The following ZNF451 variants were observed in gnomAD, a reference collection of about 807,000 sequenced individuals.
The protein encoded by ZNF451 is zinc finger protein 451, also known as E3 SUMO-protein ligase ZNF451.
In ZNF451, 80 loss-of-function variants were observed where a neutral mutation model predicts 107.1. The observed-to-expected ratio is 0.75, with a 90% CI of 0.62 to 0.90. The LOEUF is 0.90. Among genes scored for constraint, ZNF451 ranks in the 40% least tolerant of loss-of-function variants. The pLI is 0.00. For missense variants in ZNF451, 1,107 were observed against 1,236.2 expected, an observed-to-expected ratio of 0.90 and a Z score of 1.57; for synonymous variants, 362 against 406.5, an observed-to-expected ratio of 0.89 and a Z score of 1.32.
chr6:57,150,537 CTGATT>C, intron 10 of ZNF451, 177 bp from the exon 11 acceptor site: 1 of 465,108 alleles, frequency 2.2e-6, no homozygotes. Flanking sequence ...TTATTTTTAT[CTGATT>C]TAAGTGTAAA....
At chr6:57,145,786 T>C (rs1015175707) in intron 9 of ZNF451, among the ~76,000 whole-genome samples, 1 of 152,156 alleles carries the variant, frequency 6.6e-6, no homozygotes, top group Non-Finnish European at 1.5e-5. Context: ...CTTTTTGATA[T>C]AATGCTTACT....
rs1398336477 is a variant in ZNF451, at chr6:57,109,491, A to G, written c.186+10350A>G. The G allele has an allele frequency of 6.1e-6, 6 of 985,350 alleles. No homozygotes were observed. The South Asian group carries it at 2.8e-4, about 46-fold the overall frequency. The allele number at this position is 985,350 out of a possible 1,614,324, so 61.0% of individuals were successfully genotyped here. A position where few individuals can be genotyped will look rare whatever the true frequency, so the allele number is the denominator to read the frequency against. ...CCGAAAGTACTTTGACAACACACTAAAGCCTGATGCAGATTTCCTTTTTGA... is the reference window on the plus strand; with the variant it reads ...CCGAAAGTACTTTGACAACACACTAGAGCCTGATGCAGATTTCCTTTTTGA... On this transcript the variant is annotated intron_variant, in intron 3 of 14. Coordinates refer to ENST00000370706, the MANE Select transcript of ZNF451 (RefSeq NM_001031623.3).
intron 7 of ZNF451, among the ~76,000 whole-genome samples, chr6:57,137,348 C>G (rs547418039): frequency 2.3e-4 from 35 of 152,240 alleles, no homozygotes; most frequent in Non-Finnish European, 4.9e-4. Flanking sequence ...TCCCCTCCCC[C>G]ATTTTCTTTC....
chr6:57,103,050 A>G (rs1183765659), intron 3 of ZNF451: 1 of 985,448 alleles, frequency 1.0e-6, no homozygotes, highest in Non-Finnish European at 1.2e-6. Context: ...TGAGCTTGAT[A>G]GTGCATCACA....
intron 11 of ZNF451, chr6:57,151,935 T>C (rs560949930): frequency 3.9e-5 from 11 of 281,712 alleles, no homozygotes; most frequent in African/African-American, 1.3e-4. Flanking sequence ...CTTACACTTA[T>C]AGAATAATGC....
In ZNF451 at chr6:57,098,921, T is replaced by G. The variant is rs145709234; in HGVS notation, c.106-140T>G. ...ATATTTTCCTCTGCTGCTTTTGTTC[T>G]GGTTATTTTCTGCTACCCACAAAGC... On this transcript the variant is annotated intron_variant, in intron 2 of 14. Transcript: ENST00000370706. The G allele has an allele frequency of 5.8e-3, 3,397 of 587,730 alleles. 13 individuals are homozygous for G. The highest frequency in any genetic ancestry group is 7.2e-3 in the Middle Eastern group (16 of 2,234). 36.4% of individuals were successfully genotyped at this position (587,730 alleles called of 1,614,324 possible). A position where few individuals can be genotyped will look rare whatever the true frequency, so the allele number is the denominator to read the frequency against.
In ZNF451 at chr6:57,152,328, G is replaced by A; in HGVS notation, c.2860G>A (p.Ala954Thr). 1 of 1,613,988 alleles carries A rather than the reference G, an allele frequency of 6.2e-7. No individual in the cohort carries two copies. The highest frequency in any genetic ancestry group is 1.3e-5 in the African/African-American group (1 of 75,028). ...TCGCTGTAGTAAAAGAAAAGATGCTGCTGATTTTGCCATATGTATGCATGT... is the reference window on the plus strand; with the variant it reads ...TCGCTGTAGTAAAAGAAAAGATGCTACTGATTTTGCCATATGTATGCATGT... ...HPRCSKRKDA[A>T]DFAICMHAGR... is the part of the protein sequence containing the mutation. The change falls in exon 12 of 15, where the codon GCT (alanine) becomes ACT (threonine). Residue 954 changes from alanine to threonine, a missense_variant. Coordinates refer to ENST00000370706, the MANE Select transcript of ZNF451 (RefSeq NM_001031623.3).
chr6:57,094,880 G>A (rs1193310603), intron 2 of ZNF451, among the ~76,000 whole-genome samples: 1 of 152,154 alleles, frequency 6.6e-6, no homozygotes, highest in African/African-American at 2.4e-5. Flanking sequence ...AGAGAACCAA[G>A]TATACCCCAC....
chr6:57,135,979 A>G (rs781512591), intron 7 of ZNF451, among the ~76,000 whole-genome samples: 17 of 152,230 alleles, frequency 1.1e-4, no homozygotes, highest in Non-Finnish European at 1.9e-4. Flanking sequence ...TTCACAGCAG[A>G]GAATTAAAGC....
rs527666855 is a variant in ZNF451, at chr6:57,150,954, G to A, written c.2752+92G>A. ...GGCTCCTCTTAAACCTTCCTGGATA[G>A]AACATAGGAACATAATTGGAATATT... On this transcript the variant is annotated intron_variant, in intron 11 of 14. Transcript: ENST00000370706. The A allele has an allele frequency of 6.6e-6, 9 of 1,368,106 alleles. No homozygotes were observed. In the Admixed American group the frequency reaches 1.9e-4, roughly 29 times the overall value. The allele number at this position is 1,368,106 out of a possible 1,614,324, so 84.7% of individuals were successfully genotyped here. A position where few individuals can be genotyped will look rare whatever the true frequency, so the allele number is the denominator to read the frequency against.
At chr6:57,159,059 C>G (rs1437713413) in intron 13 of ZNF451, 1 of 985,334 alleles carries the variant, frequency 1.0e-6, no homozygotes, top group Non-Finnish European at 1.2e-6. Flanking sequence ...GTTGTTTCCT[C>G]AGCCTGTTAA....
chr6:57,101,632 A>T, intron 3 of ZNF451: 1 of 1,550,764 alleles, frequency 6.4e-7, no homozygotes, highest in Non-Finnish European at 8.7e-7. Flanking sequence ...CTGGGAAGAC[A>T]TGGAAGATCT....
intron 2 of ZNF451, among the ~76,000 whole-genome samples, chr6:57,098,279 C>T (rs962536776): frequency 4.0e-5 from 6 of 151,666 alleles, no homozygotes; most frequent in Non-Finnish European, 8.8e-5. Context: ...GGTGATCCCC[C>T]ACCTTGGCCT....
At chr6:57,157,798 A>G (rs1002996) in intron 13 of ZNF451, among the ~76,000 whole-genome samples, 18,006 of 152,112 alleles carry the variant, frequency 0.12, 1,310 homozygotes, top group African/African-American at 0.19. Flanking sequence ...CAAATACTTC[A>G]TTATTCTAAC....
chr6:57,154,167 CTTACTTCTA>C lies in ZNF451; in HGVS notation c.3070+122_3070+130del, dbSNP rs1401307830. 6 of 923,426 alleles carry C rather than the reference CTTACTTCTA, an allele frequency of 6.5e-6. No individual in the cohort carries two copies. The South Asian group carries it at 7.3e-5, about 11-fold the overall frequency. The allele number at this position is 923,426 out of a possible 1,614,324, so 57.2% of individuals were successfully genotyped here. On this transcript the variant is annotated intron_variant, in intron 13 of 14. Transcript: ENST00000370706. The stretch of plus-strand genomic sequence containing the variant: ...CCTGCTTGCTAAACCATCATGTTCT[CTTACTTCTA>C]TCTTACTTATCTTTTTTAAAAAAAT...
rs1451650125 is a variant in ZNF451 at position 57,154,033 on chromosome 6, C to CT, written c.3057dup (p.Asp1020Ter). 6.2e-7 allele frequency: 1 copy of CT among 1,614,050 alleles called. No individual in the cohort carries two copies. Among genetic ancestry groups the CT allele is most frequent in the Non-Finnish European group, 8.5e-7 (1 of 1,180,048 alleles). Reference sequence around the variant, plus strand: ...ATGTGTGCCTTGTTAAATAGCATATCTGATACCACCAAAGGTACGCAGCTG... The same window carrying CT: ...ATGTGTGCCTTGTTAAATAGCATATCTTGATACCACCAAAGGTACGCAGCTG... On this transcript the variant is annotated frameshift_variant, in exon 13 of 15. Coordinates refer to ENST00000370706, the MANE Select transcript of ZNF451 (RefSeq NM_001031623.3). LOFTEE classifies it high-confidence loss of function.
At chr6:57,108,647 T>TTGA in intron 3 of ZNF451, 1 of 985,456 alleles carries the variant, frequency 1.0e-6, no homozygotes, top group Non-Finnish European at 1.2e-6. Flanking sequence ...GGCCTGTGTA[T>TTGA]TGATCTTTCT....
At chr6:57,162,638 A>G (rs1449044565) in intron 14 of ZNF451, among the ~76,000 whole-genome samples, 1 of 152,222 alleles carries the variant, frequency 6.6e-6, no homozygotes, top group African/African-American at 2.4e-5. Context: ...TAAAAGATAA[A>G]CAGTACTGAA....
intron 3 of ZNF451, chr6:57,107,305 G>C (rs1829907912): frequency 1.0e-6 from 1 of 984,868 alleles, no homozygotes; most frequent in Non-Finnish European, 1.2e-6. Context: ...GTGTATACTA[G>C]ACAGGATTTT....
Sources: gnomAD v4.1 joint callset for allele counts (sites outside exome capture counted in the v4.1 genomes callset) on GRCh38, gnomAD v4.1.1 for gene constraint, MANE v1.5 for transcripts, NCBI Gene and HGNC (gene_info 2026-07-23, HGNC 2026-07-21) for gene names.